The following SLC1A2 variants were observed in gnomAD, a reference collection of about 807,000 sequenced individuals.
The protein encoded by SLC1A2 is excitatory amino acid transporter 2.
In SLC1A2, 15 loss-of-function variants were observed where a neutral mutation model predicts 48.8. That is an observed-to-expected ratio of 0.31 (90% CI 0.21 to 0.47). The LOEUF is 0.47. Among genes scored for constraint, SLC1A2 ranks in the 20% least tolerant of loss-of-function variants. The pLI is 0.99. For synonymous variants in SLC1A2, 279 were observed against 272.6 expected (o/e 1.02, Z -0.23); for missense variants, 502 against 730.5 (o/e 0.69, Z 3.61).
Position 35,280,907 on chromosome 11 carries a change from T to C in SLC1A2, c.1381A>G (p.Thr461Ala), listed in dbSNP as rs753664033. 9 of 1,613,190 alleles carry C rather than the reference T, an allele frequency of 5.6e-6. No homozygotes were observed. The highest frequency in any genetic ancestry group is 3.3e-5 in the Admixed American group (2 of 59,946). ...GCCACCAGCAGGCTGATGTCCTCTG[T>C]TGGCAGGCCCACGGCTGTCAGAATG... ...LLILTAVGLP[T>A]EDISLLVAVD... The change falls in exon 9 of 11, where the codon ACA (threonine) becomes GCA (alanine). Residue 461 changes from threonine (T) to alanine (A), a missense_variant. This residue lies in a region of SLC1A2 where 309 missense variants were observed against 480.3 expected (regional missense o/e 0.64). Coordinates refer to ENST00000278379, the MANE Select transcript of SLC1A2 (RefSeq NM_004171.4).
intron 9 of SLC1A2, among the ~76,000 whole-genome samples, chr11:35,269,123 G>A (rs1850193487): frequency 6.6e-6 from 1 of 152,196 alleles, no homozygotes; most frequent in Non-Finnish European, 1.5e-5. Flanking sequence ...CCTCAGAAAA[G>A]AGGCCCAATA....
In SLC1A2 at chr11:35,418,898, C is replaced by G; in HGVS notation, c.17+52G>C. The stretch of plus-strand genomic sequence containing the variant: ...TCCGCATCCCGGATAGGGGCGCCAC[C>G]ACCCCGCGCGTGACCCCGCTTTCCC... On this transcript the variant is annotated intron_variant, in intron 1 of 10. Transcript: ENST00000278379. 3.3e-6 allele frequency: 5 copies of G among 1,526,564 alleles called. No homozygotes were observed. In the South Asian group the frequency reaches 3.6e-5, roughly 11 times the overall value. 94.6% of individuals were successfully genotyped at this position (1,526,564 alleles called of 1,614,324 possible).
Position 35,251,950 on chromosome 11 carries a change from A to G in SLC1A2, c.*8944T>C, listed in dbSNP as rs561084054. ...TGTGTGTTTTAGGAGGCAACTGTAA[A>G]CTTGCATTAGTTAATCCCATCTTCA... On this transcript the variant is annotated 3_prime_UTR_variant, in exon 11 of 11. Transcript: ENST00000278379. 6.5e-6 allele frequency: 1 copy of G among 152,744 alleles called. No homozygotes were observed. Among genetic ancestry groups the G allele is most frequent in the East Asian group, 1.9e-4 (1 of 5,182 alleles). The allele number at this position is 152,744 out of a possible 1,614,324, so 9.5% of individuals were successfully genotyped here. A position where few individuals can be genotyped will look rare whatever the true frequency, so the allele number is the denominator to read the frequency against.
intron 1 of SLC1A2, among the ~76,000 whole-genome samples, chr11:35,390,404 T>A (rs1056936864): frequency 2.0e-5 from 3 of 152,146 alleles, no homozygotes; most frequent in African/African-American, 4.8e-5. Context: ...AAAATTTGAT[T>A]TTTTTTAAGT....
At chr11:35,347,877 A>G (rs1387272516) in intron 1 of SLC1A2, among the ~76,000 whole-genome samples, 1 of 152,224 alleles carries the variant, frequency 6.6e-6, no homozygotes, top group Non-Finnish European at 1.5e-5. Context: ...TCAGCCACAA[A>G]TGTTTGTTAA....
At chr11:35,327,590 C>A (rs549692304) in intron 1 of SLC1A2, among the ~76,000 whole-genome samples, 1 of 152,330 alleles carries the variant, frequency 6.6e-6, no homozygotes, top group South Asian at 2.1e-4. Context: ...ATAACAGGAA[C>A]CCAAGCAGAC....
In SLC1A2 at chr11:35,258,869, G is replaced by A. The variant is rs1950350931; in HGVS notation, c.*2025C>T. ...ACAGGAGAATCGCTTGAACTAGAGA[G>A]GTGGACATTGCAGTGCAGTGAGCTG... On this transcript the variant is annotated 3_prime_UTR_variant, in exon 11 of 11. Transcript: ENST00000278379. 1 of 151,300 alleles carries A rather than the reference G, an allele frequency of 6.6e-6. No individual in the cohort carries two copies. The highest frequency in any genetic ancestry group is 1.5e-5 in the Non-Finnish European group (1 of 68,004). 9.4% of individuals were successfully genotyped at this position (151,300 alleles called of 1,614,324 possible). A position where few individuals can be genotyped will look rare whatever the true frequency, so the allele number is the denominator to read the frequency against.
At chr11:35,322,520 T>G (rs1317465672) in intron 1 of SLC1A2, 7 of 1,241,514 alleles carry the variant, frequency 5.6e-6, no homozygotes, top group Non-Finnish European at 6.8e-6. Flanking sequence ...ACTGGTGTGT[T>G]TCTCCTGGAG....
At chr11:35,320,981 T>C (rs1717851326) in intron 1 of SLC1A2, among the ~76,000 whole-genome samples, 1 of 152,068 alleles carries the variant, frequency 6.6e-6, no homozygotes, top group Admixed American at 6.6e-5. Flanking sequence ...GACTGTGAAA[T>C]TTACAAAGGA....
At chr11:35,278,273 G>GTTTTTTTTTTT (rs35889672) in intron 9 of SLC1A2, among the ~76,000 whole-genome samples, 3 of 88,654 alleles carry the variant, frequency 3.4e-5, no homozygotes, top group Non-Finnish European at 6.8e-5. Context: ...GTTTTTTTTT[G>GTTTTTTTTTTT]TTTTTTTTTT....
At chr11:35,357,981 C>T (rs897061114) in intron 1 of SLC1A2, among the ~76,000 whole-genome samples, 1 of 151,988 alleles carries the variant, frequency 6.6e-6, no homozygotes, top group Non-Finnish European at 1.5e-5. Context: ...CCCGTCTCTA[C>T]CAAAAATACA....
At chr11:35,311,065 G>T (rs977217529) in intron 4 of SLC1A2, among the ~76,000 whole-genome samples, 1 of 152,022 alleles carries the variant, frequency 6.6e-6, no homozygotes, top group Non-Finnish European at 1.5e-5. Context: ...TTAAAACATT[G>T]TTCAATGTTT....
intron 1 of SLC1A2, among the ~76,000 whole-genome samples, chr11:35,336,448 G>T (rs559242255): frequency 1.3e-5 from 2 of 152,208 alleles, no homozygotes; most frequent in South Asian, 4.2e-4. Flanking sequence ...CACCCAATGG[G>T]CTTTGATATT....
At position 35,289,357 on chromosome 11, in the gene SLC1A2, G is replaced by A. The variant is rs571540505; in HGVS notation, c.1092-2406C>T. On this transcript the variant is annotated intron_variant, in intron 7 of 10. Transcript: ENST00000278379. ...GCAAAGAAACCTTCAGTTAATTCTC[G>A]GTACATGACTCACGCCACATGGCCT... Among the ~76,000 whole-genome samples the A allele has an allele frequency of 5.3e-5, 8 of 151,438 alleles. No homozygotes were observed. In the East Asian group the frequency reaches 1.5e-3, roughly 29 times the overall value.
upstream of SLC1A2, chr11:35,419,820 CG>C (rs1479861324): frequency 2.8e-6 from 1 of 359,058 alleles, no homozygotes; most frequent in Non-Finnish European, 5.9e-6. This position sits in a 1 kb window ranked among gnomAD's most constrained non-coding sequence, Gnocchi z 5.4. Context: ...CGCGGAGACC[CG>C]GGATGCCCCT....
intron 7 of SLC1A2, among the ~76,000 whole-genome samples, chr11:35,289,152 A>G (rs192647484): frequency 2.7e-4 from 41 of 152,346 alleles, no homozygotes; most frequent in Non-Finnish European, 2.9e-5. Flanking sequence ...AAGACAGGTC[A>G]GTCTCAGGCC....
intron 1 of SLC1A2, among the ~76,000 whole-genome samples, chr11:35,402,504 G>T (rs1164681107): frequency 6.6e-6 from 1 of 152,148 alleles, no homozygotes; most frequent in Non-Finnish European, 1.5e-5. Flanking sequence ...TTTCTGAGTT[G>T]TATCCTTTAT....
chr11:35,349,306 C>T (rs189720450), intron 1 of SLC1A2, among the ~76,000 whole-genome samples: 5 of 152,168 alleles, frequency 3.3e-5, no homozygotes, highest in African/African-American at 4.8e-5. Context: ...CAAAGACCAA[C>T]AGATCACAGA....
chr11:35,380,331 G>C (rs1158412742), intron 1 of SLC1A2: 1 of 398,468 alleles, frequency 2.5e-6, no homozygotes, highest in African/African-American at 2.1e-5. Flanking sequence ...CTTTTGCTTT[G>C]CTTCTGAAAA....
Sources: allele counts gnomAD v4.1 joint callset (sites outside exome capture counted in the v4.1 genomes callset), GRCh38; gene constraint gnomAD v4.1.1; regional missense constraint gnomAD v4.1.1; non-coding constraint Gnocchi (gnomAD v3.1); transcripts MANE v1.5; gene names NCBI Gene and HGNC (gene_info 2026-07-23, HGNC 2026-07-21).